The following MORC1 variants were observed in gnomAD, a reference collection of about 807,000 sequenced individuals.
MORC1 encodes MORC family CW-type zinc finger 1.
A neutral mutation model predicts 134.9 loss-of-function variants in MORC1; 59 were observed. The ratio of observed to expected loss-of-function variants is 0.44; its 90% CI spans 0.35 to 0.54. The LOEUF is 0.54. Ranked by LOEUF, MORC1 falls within the 20% of genes least tolerant of loss-of-function variation. The probability of loss-of-function intolerance (pLI) is 0.00; values close to 1 mark genes in which losing one functional copy is unlikely to be tolerated. For synonymous variants in MORC1, 395 were observed against 391.7 expected, an observed-to-expected ratio of 1.01 and a Z score of -0.10; for missense variants, 947 against 1,134.5, an observed-to-expected ratio of 0.83 and a Z score of 2.37.
chr3:109,006,771 AG>A (rs1948550027), intron 18 of MORC1, among the ~76,000 whole-genome samples: 1 of 152,230 alleles, frequency 6.6e-6, no homozygotes, highest in Non-Finnish European at 1.5e-5. Flanking sequence ...AGTATTGGAA[AG>A]AAATACATTA....
At chr3:109,116,501 T>C (rs887740923) in intron 1 of MORC1, among the ~76,000 whole-genome samples, 2 of 152,228 alleles carry the variant, frequency 1.3e-5, no homozygotes, top group African/African-American at 4.8e-5. Context: ...CAGAGCTCAG[T>C]GGCTCATGAC....
chr3:109,116,318 AAGG>A (rs1951273267), intron 1 of MORC1, among the ~76,000 whole-genome samples: 1 of 152,220 alleles, frequency 6.6e-6, no homozygotes, highest in African/African-American at 2.4e-5. Flanking sequence ...TAGTCTGGAC[AAGG>A]GACAGTGGTG....
chr3:109,094,801 C>T lies in MORC1; in HGVS notation c.583+108G>A, dbSNP rs1030383078. 1.2e-5 allele frequency: 13 copies of T among 1,059,038 alleles called. No individual in the cohort carries two copies. In the Admixed American group the frequency reaches 1.6e-4, roughly 13 times the overall value. The allele number at this position is 1,059,038 out of a possible 1,614,324, so 65.6% of individuals were successfully genotyped here. ...TAAATGACTGTCCCCAGTGTGAATC[C>T]ACATGAGATTATAAGAACAAAAAAA... On this transcript the variant is annotated intron_variant, in intron 7 of 27. Coordinates refer to ENST00000232603, the MANE Select transcript of MORC1 (RefSeq NM_014429.4).
chr3:109,014,458 G>GTA (rs1948769633), intron 17 of MORC1, among the ~76,000 whole-genome samples: 1 of 152,148 alleles, frequency 6.6e-6, no homozygotes, highest in Non-Finnish European at 1.5e-5. Context: ...ACATTCAAAA[G>GTA]GTGGTTATTT....
At position 108,980,171 on chromosome 3, in the gene MORC1, A is replaced by G. The variant is rs552944825; in HGVS notation, c.2325-504T>C. Among the ~76,000 whole-genome samples, 3 of 152,274 alleles carry G rather than the reference A, an allele frequency of 2.0e-5. No individual in the cohort carries two copies. The South Asian group carries it at 6.2e-4, about 32-fold the overall frequency. On this transcript the variant is annotated intron_variant, in intron 23 of 27. Transcript: ENST00000232603. ...CCATTTCCCCATTCCCCACTTACCT[A>G]CATAGTCCTTTAGAAATACAATTAT...
At chr3:109,010,316 C>A (rs905149029) in intron 17 of MORC1, among the ~76,000 whole-genome samples, 3 of 152,146 alleles carry the variant, frequency 2.0e-5, no homozygotes, top group African/African-American at 7.2e-5. Flanking sequence ...TGTATGATTT[C>A]ATTTCTTCTG....
rs1429624843 is a variant in MORC1, at chr3:108,965,962, G to C, written c.2605-2354C>G. Among the ~76,000 whole-genome samples the C allele has an allele frequency of 2.0e-5, 3 of 152,120 alleles. No homozygotes were observed. The South Asian group carries it at 6.2e-4, about 32-fold the overall frequency. On this transcript the variant is annotated intron_variant, in intron 26 of 27. Coordinates refer to ENST00000232603, the MANE Select transcript of MORC1 (RefSeq NM_014429.4). ...CGTTTTTATCAAATTCTACAGGCCAGCCTTTTGGTTTATTCTCTTGCCTTT... is the reference window on the plus strand; with the variant it reads ...CGTTTTTATCAAATTCTACAGGCCACCCTTTTGGTTTATTCTCTTGCCTTT...
intron 24 of MORC1, among the ~76,000 whole-genome samples, chr3:108,973,595 G>GTTTTTTTTTTTTTTTTT (rs63198360): frequency 1.3e-5 from 1 of 77,910 alleles, no homozygotes; most frequent in Non-Finnish European, 2.5e-5. Context: ...CTTTGTTTTG[G>GTTTTTTTTTTTTTTTTT]TTTTTTTTTT....
chr3:109,071,609 G>A (rs1454939506), intron 8 of MORC1, among the ~76,000 whole-genome samples: 1 of 152,170 alleles, frequency 6.6e-6, no homozygotes, highest in African/African-American at 2.4e-5. Context: ...CTGTCTGCTA[G>A]CTTTCCTACA....
At chr3:108,981,445 C>A (rs1559869430) in intron 23 of MORC1, among the ~76,000 whole-genome samples, 1 of 152,136 alleles carries the variant, frequency 6.6e-6, no homozygotes, top group South Asian at 2.1e-4. Flanking sequence ...AATATTTACA[C>A]AATGTCTGAA....
intron 7 of MORC1, among the ~76,000 whole-genome samples, chr3:109,094,304 T>C (rs1400619318): frequency 6.6e-6 from 1 of 152,146 alleles, no homozygotes; most frequent in Admixed American, 6.6e-5. Flanking sequence ...GGACAACTAA[T>C]TATACTTTTT....
chr3:109,028,878 C>T (rs908683206), intron 16 of MORC1, among the ~76,000 whole-genome samples: 4 of 152,086 alleles, frequency 2.6e-5, no homozygotes, highest in African/African-American at 9.7e-5. Flanking sequence ...TTCTTCGAGC[C>T]CACTCTAGGT....
At chr3:109,023,787 T>C (rs1949013134) in intron 17 of MORC1, among the ~76,000 whole-genome samples, 1 of 152,164 alleles carries the variant, frequency 6.6e-6, no homozygotes, top group Non-Finnish European at 1.5e-5. Context: ...AAATAACAAT[T>C]ATCCAGCTAA....
chr3:109,072,891 C>T (rs60857718), intron 8 of MORC1, among the ~76,000 whole-genome samples: 4 of 150,944 alleles, frequency 2.6e-5, no homozygotes, highest in South Asian at 4.2e-4. Flanking sequence ...TAACTGGCTA[C>T]GATAAGAAAC....
intron 3 of MORC1, among the ~76,000 whole-genome samples, chr3:109,104,407 A>T (rs1363786595): frequency 6.6e-6 from 1 of 152,188 alleles, no homozygotes; most frequent in Non-Finnish European, 1.5e-5. Flanking sequence ...GTGCATCTTC[A>T]TGGGAGCAAA....
chr3:109,028,140 T>C (rs1949133119), intron 16 of MORC1, among the ~76,000 whole-genome samples: 1 of 152,216 alleles, frequency 6.6e-6, no homozygotes, highest in African/African-American at 2.4e-5. Flanking sequence ...GCATCAATTA[T>C]ATTGCTAATG....
At chr3:109,095,562 C>T (rs1364981859) in intron 6 of MORC1, among the ~76,000 whole-genome samples, 1 of 152,176 alleles carries the variant, frequency 6.6e-6, no homozygotes, top group Non-Finnish European at 1.5e-5. Flanking sequence ...CCTCAACCCC[C>T]AGGGTCTGGA....
Position 108,979,804 on chromosome 3 carries a change from C to T in MORC1, c.2325-137G>A, listed in dbSNP as rs1947663366. The T allele has an allele frequency of 4.7e-6, 4 of 851,982 alleles. No homozygotes were observed. In the East Asian group the frequency reaches 1.1e-4, roughly 23 times the overall value. 52.8% of individuals were successfully genotyped at this position (851,982 alleles called of 1,614,324 possible). A position where few individuals can be genotyped will look rare whatever the true frequency, so the allele number is the denominator to read the frequency against. On this transcript the variant is annotated intron_variant, in intron 23 of 27. Transcript: ENST00000232603. ...TGCGTGTAATGCCGAAAACTGCCAC[C>T]ACTGTAGTTACATGAAACAAATTCT...
At chr3:109,039,548 T>C (rs923541731) in intron 14 of MORC1, among the ~76,000 whole-genome samples, 16 of 152,174 alleles carry the variant, frequency 1.1e-4, no homozygotes, top group Non-Finnish European at 2.4e-4. Context: ...TTGGGAACTC[T>C]GGAGTCTACT....
Sources: gnomAD v4.1 joint callset for allele counts (sites outside exome capture counted in the v4.1 genomes callset) on GRCh38, gnomAD v4.1.1 for gene constraint, MANE v1.5 for transcripts, NCBI Gene and HGNC (gene_info 2026-07-23, HGNC 2026-07-21) for gene names.